The following UBR3 variants were observed in gnomAD, a reference collection of about 807,000 sequenced individuals.
The protein encoded by UBR3 is E3 ubiquitin-protein ligase UBR3.
A neutral mutation model predicts 243.2 loss-of-function variants in UBR3; 85 were observed. The ratio of observed to expected loss-of-function variants is 0.35; its 90% CI spans 0.29 to 0.42. UBR3 has a LOEUF of 0.42. Among genes scored for constraint, UBR3 ranks in the 10% least tolerant of loss-of-function variants. The pLI is 1.00. For missense variants in UBR3, 1,686 were observed against 2,300.8 expected, an observed-to-expected ratio of 0.73 and a Z score of 5.47; for synonymous variants, 748 against 799.8, an observed-to-expected ratio of 0.94 and a Z score of 1.09.
chr2:170,071,176 A>T (rs1006348598), intron 35 of UBR3, among the ~76,000 whole-genome samples: 2 of 152,188 alleles, frequency 1.3e-5, no homozygotes, highest in African/African-American at 4.8e-5. Flanking sequence ...AGTTTTTAAA[A>T]ATATTAAGCA....
chr2:169,930,769 C>T lies in UBR3; in HGVS notation c.2566+1901C>T, dbSNP rs563664574. On this transcript the variant is annotated intron_variant, in intron 18 of 38. Coordinates refer to ENST00000272793, the MANE Select transcript of UBR3 (RefSeq NM_172070.4). ...AGTGGTTGAAACAAGCCTCTGGTTTCGGGGACTAAGCCTTAAGTGAATTTG... is the reference window on the plus strand; with the variant it reads ...AGTGGTTGAAACAAGCCTCTGGTTTTGGGGACTAAGCCTTAAGTGAATTTG... Among the ~76,000 whole-genome samples the T allele has an allele frequency of 7.9e-5, 12 of 152,224 alleles. No individual in the cohort carries two copies. In the East Asian group the frequency reaches 1.9e-3, roughly 24 times the overall value.
chr2:170,015,262 T>C lies in UBR3; in HGVS notation c.4368-19T>C. On this transcript the variant is annotated intron_variant, in intron 29 of 38. Transcript: ENST00000272793. ...AGAATCTTCAGTTTAATGACTGAGA[T>C]ATAATGTTTTACTTACAGAACCAAT... is the stretch of plus-strand genomic sequence containing the variant. The C allele has an allele frequency of 6.3e-7, 1 of 1,589,690 alleles. No homozygotes were observed. Among genetic ancestry groups the C allele is most frequent in the Non-Finnish European group, 8.6e-7 (1 of 1,161,230 alleles).
At chr2:169,922,211 G>A (rs1414145553) in intron 11 of UBR3, among the ~76,000 whole-genome samples, 1 of 151,540 alleles carries the variant, frequency 6.6e-6, no homozygotes, top group East Asian at 1.9e-4. Context: ...ACTTGAGCCC[G>A]GGAGGTGGAG....
chr2:170,061,368 C>T lies in UBR3; in HGVS notation c.4944C>T (p.Asp1648=). 1 of 1,614,150 alleles carries T rather than the reference C, an allele frequency of 6.2e-7. No individual in the cohort carries two copies. The highest frequency in any genetic ancestry group is 8.5e-7 in the Non-Finnish European group (1 of 1,179,998). ...SPESMEKCLQ[D]FCLPFLRITS... ...AATCCATGGAAAAATGCTTACAGGACTTCTGCTTACCTTTTCTCAGAATCA... is the reference window on the plus strand; with the variant it reads ...AATCCATGGAAAAATGCTTACAGGATTTCTGCTTACCTTTTCTCAGAATCA... The change falls in exon 35 of 39, where the codon GAC becomes GAT. Residue 1648 remains aspartate, a synonymous_variant. Transcript: ENST00000272793.
chr2:169,848,109 C>G (rs894826319), intron 1 of UBR3, among the ~76,000 whole-genome samples: 10 of 152,212 alleles, frequency 6.6e-5, no homozygotes, highest in African/African-American at 2.2e-4. Context: ...AGCTCTGACA[C>G]ATATCATCAC....
In UBR3 at chr2:169,905,313, G is replaced by A. The variant is rs2084973314; in HGVS notation, c.1645+20G>A. The A allele has an allele frequency of 6.9e-7, 1 of 1,439,872 alleles. No homozygotes were observed. The highest frequency in any genetic ancestry group is 2.6e-5 in the East Asian group (1 of 38,052). 89.2% of individuals were successfully genotyped at this position (1,439,872 alleles called of 1,614,324 possible). On this transcript the variant is annotated intron_variant, in intron 9 of 38. Transcript: ENST00000272793. ...TTCAAGGTATGAATTTTATCCCTTT[G>A]TTAATTTTTTGGTTTACAAAATTCC... is the stretch of plus-strand genomic sequence containing the variant.
chr2:169,882,664 C>A (rs986344283), intron 5 of UBR3, among the ~76,000 whole-genome samples: 3 of 151,124 alleles, frequency 2.0e-5, no homozygotes, highest in Non-Finnish European at 4.4e-5. Flanking sequence ...CCCCTTGAAC[C>A]TGGAGGCAGA....
chr2:170,013,827 A>C (rs1289024081), intron 29 of UBR3: 1 of 447,774 alleles, frequency 2.2e-6, no homozygotes, highest in Admixed American at 2.4e-5. Flanking sequence ...ATAGCCATTA[A>C]TTTTTTTCTA....
chr2:170,033,496 T>C (rs1444897245), intron 31 of UBR3, among the ~76,000 whole-genome samples: 3 of 150,188 alleles, frequency 2.0e-5, no homozygotes, highest in Non-Finnish European at 3.0e-5. Flanking sequence ...TTCCAGAGCC[T>C]AAGTTTTAAC....
At chr2:169,971,770 T>C (rs1469993310) in intron 24 of UBR3, among the ~76,000 whole-genome samples, 6 of 152,140 alleles carry the variant, frequency 3.9e-5, no homozygotes, top group Non-Finnish European at 8.8e-5. Flanking sequence ...AAGCAGTGTG[T>C]AGAGGGAAAT....
At chr2:169,930,633 C>T (rs541914864) in intron 18 of UBR3, among the ~76,000 whole-genome samples, 2 of 152,278 alleles carry the variant, frequency 1.3e-5, no homozygotes, top group South Asian at 4.1e-4. Context: ...AATCCTCCTG[C>T]CTCAGCCTCC....
intron 5 of UBR3, among the ~76,000 whole-genome samples, chr2:169,889,016 T>G (rs1020126071): frequency 1.3e-5 from 2 of 152,226 alleles, no homozygotes; most frequent in Non-Finnish European, 2.9e-5. Flanking sequence ...TTCCTAGAAC[T>G]GGAATTTCTG....
intron 1 of UBR3, among the ~76,000 whole-genome samples, chr2:169,843,288 A>G (rs1026737868): frequency 1.2e-4 from 19 of 152,218 alleles, no homozygotes; most frequent in East Asian, 9.6e-4. Context: ...CAAAGCACTC[A>G]TATTTGGGAT....
At chr2:169,895,144 C>T (rs1463530285) in intron 6 of UBR3, 37 bp from the exon 7 acceptor site, 2 of 1,469,512 alleles carry the variant, frequency 1.4e-6, no homozygotes, top group Admixed American at 3.0e-5. Context: ...TGAGCAACTT[C>T]AATCATTAAC....
chr2:169,883,137 G>A (rs2083956969), intron 5 of UBR3, among the ~76,000 whole-genome samples: 1 of 152,224 alleles, frequency 6.6e-6, no homozygotes, highest in Non-Finnish European at 1.5e-5. Context: ...CATCTGGGCA[G>A]TTCTTACTTT....
intron 36 of UBR3, chr2:170,077,095 A>G (rs1455222884): frequency 5.1e-6 from 2 of 392,630 alleles, no homozygotes; most frequent in East Asian, 6.7e-5. Context: ...TTCCATTTTA[A>G]TGTTTACAAT....
chr2:169,856,002 G>T (rs540917024), intron 1 of UBR3, among the ~76,000 whole-genome samples: 4 of 151,714 alleles, frequency 2.6e-5, no homozygotes, highest in East Asian at 2.0e-4. Flanking sequence ...AGATGGGGGG[G>T]CTGCCAGGCG....
intron 11 of UBR3, among the ~76,000 whole-genome samples, chr2:169,921,628 AG>A (rs1311673449): frequency 6.6e-6 from 1 of 152,198 alleles, no homozygotes; most frequent in Non-Finnish European, 1.5e-5. Context: ...TCCTACTTTA[AG>A]GATCAGACAA....
chr2:169,990,606 A>G (rs1418527177), intron 25 of UBR3, among the ~76,000 whole-genome samples: 1 of 151,956 alleles, frequency 6.6e-6, no homozygotes, highest in African/African-American at 2.4e-5. Context: ...AGGGGGATGG[A>G]GGAGTTTTTG....
Sources: gnomAD v4.1 joint callset for allele counts (sites outside exome capture counted in the v4.1 genomes callset) on GRCh38, gnomAD v4.1.1 for gene constraint, MANE v1.5 for transcripts, NCBI Gene and HGNC (gene_info 2026-07-23, HGNC 2026-07-21) for gene names.